The following LRPPRC variants were observed in gnomAD, a reference collection of about 807,000 sequenced individuals.
LRPPRC encodes the protein leucine rich pentatricopeptide repeat containing, also known as leucine-rich PPR motif-containing protein, mitochondrial.
In LRPPRC, 120 loss-of-function variants were observed where a neutral mutation model predicts 180.3. The observed-to-expected ratio is 0.67, with a 90% CI of 0.57 to 0.77. The LOEUF (loss-of-function observed/expected upper bound fraction) is 0.77, where lower values mean the gene tolerates loss of function less well. LRPPRC is among the 30% of genes least tolerant of loss of function. The probability of loss-of-function intolerance (pLI) is 0.00; values close to 1 mark genes in which losing one functional copy is unlikely to be tolerated. For missense variants in LRPPRC, 2,012 were observed against 1,657.2 expected (o/e 1.21, Z -3.72); for synonymous variants, 723 against 600.0 (o/e 1.21, Z -3.00).
chr2:43,992,836 C>T lies in LRPPRC; in HGVS notation c.149+2963G>A, dbSNP rs150712675. On this transcript the variant is annotated intron_variant, in intron 1 of 37. Transcript: ENST00000260665. ...GGGTCCAATTTGAGCTGTGTTGGCTCTGAAGTACCTATAGTTCAAGCAGGT... is the reference window on the plus strand; with the variant it reads ...GGGTCCAATTTGAGCTGTGTTGGCTTTGAAGTACCTATAGTTCAAGCAGGT... Among the ~76,000 whole-genome samples, 905 of 152,206 alleles carry T rather than the reference C, an allele frequency of 5.9e-3. 9 individuals carry two copies. Among genetic ancestry groups the T allele is most frequent in the African/African-American group, 0.021 (861 of 41,524 alleles).
chr2:43,943,648 T>A (rs751270505), intron 23 of LRPPRC, 39 bp downstream of exon 23: 3 of 1,519,254 alleles, frequency 2.0e-6, no homozygotes, highest in East Asian at 4.5e-5. Flanking sequence ...CTCATTCTTT[T>A]AATGCCAACA....
intron 27 of LRPPRC, among the ~76,000 whole-genome samples, chr2:43,923,413 G>A (rs1451800435): frequency 6.6e-6 from 1 of 152,126 alleles, no homozygotes; most frequent in African/African-American, 2.4e-5. Flanking sequence ...GATTTCTTGA[G>A]CCCAGGAGGT....
chr2:43,973,958 G>T, intron 9 of LRPPRC, 58 bp from the exon 10 acceptor site: 2 of 1,177,828 alleles, frequency 1.7e-6, no homozygotes, highest in African/African-American at 1.5e-5. Flanking sequence ...CGTTTGACCT[G>T]CTGCAAATAT....
chr2:43,912,730 A>G (rs1671309414), intron 29 of LRPPRC, among the ~76,000 whole-genome samples, 172 bp from the exon 30 acceptor site: 1 of 152,208 alleles, frequency 6.6e-6, no homozygotes. Flanking sequence ...AATATTTTAA[A>G]GACAAAGCTA....
chr2:43,996,082 G>C, upstream of LRPPRC: 4 of 816,780 alleles, frequency 4.9e-6, no homozygotes, highest in South Asian at 1.7e-5. Context: ...GATTGTTTTA[G>C]GTTGGAAGAT....
At chr2:43,909,782 C>T (rs1013017860) in intron 30 of LRPPRC, among the ~76,000 whole-genome samples, 3 of 151,954 alleles carry the variant, frequency 2.0e-5, no homozygotes, top group African/African-American at 7.3e-5. Context: ...TTTTACATGT[C>T]AATTTTATCT....
At chr2:43,948,597 C>A in intron 16 of LRPPRC, 79 bp from the exon 17 acceptor site, 1 of 804,540 alleles carries the variant, frequency 1.2e-6, no homozygotes, top group Non-Finnish European at 2.2e-6. Context: ...TATAAGAAAT[C>A]ATTTTGGTGT....
At position 43,899,534 on chromosome 2, in the gene LRPPRC, T is replaced by C. The variant is rs140482502; in HGVS notation, c.3641A>G (p.Gln1214Arg). The C allele has an allele frequency of 5.9e-5, 95 of 1,612,296 alleles. 1 individual carries two copies. Among genetic ancestry groups the C allele is most frequent in the Non-Finnish European group, 7.6e-6 (9 of 1,178,458 alleles). The part of the protein sequence containing the change: ...LTSENKVIEP[Q>R]YFGLAYLFRK... ...GAATAAGTATGCCAAGCCGAAGTAT[T>C]GGGGTTCAATGACTTTATTCTCTGA... The change falls in exon 33 of 38, where the codon CAA becomes CGA. Residue 1214 changes from glutamine to arginine, a missense_variant. Physicochemically the swap from Gln to Arg is conservative, Grantham distance 43 (BLOSUM62 1). Transcript: ENST00000260665.
intron 23 of LRPPRC, among the ~76,000 whole-genome samples, chr2:43,936,552 T>C (rs560279172): frequency 9.8e-5 from 15 of 152,342 alleles, no homozygotes; most frequent in East Asian, 5.8e-4. Context: ...TTGCCTATTA[T>C]ACAAATGTTA....
At chr2:43,948,606 G>T in intron 16 of LRPPRC, 88 bp from the exon 17 acceptor site, 1 of 765,040 alleles carries the variant, frequency 1.3e-6, no homozygotes, top group Non-Finnish European at 2.4e-6. Flanking sequence ...TCATTTTGGT[G>T]TGAGATGTCA....
In LRPPRC at chr2:43,979,878, A is replaced by G. The variant is rs376705540; in HGVS notation, c.417T>C (p.Leu139=). 1.2e-6 allele frequency: 2 copies of G among 1,613,064 alleles called. No individual in the cohort carries two copies. Among genetic ancestry groups the G allele is most frequent in the African/African-American group, 2.7e-5 (2 of 74,908 alleles). ...SCGSLLPELK[L]EERTEFAHRI... Reference sequence around the variant, plus strand: ...TATGAGCAAATTCTGTTCTCTCTTCAAGCTTTAGTTCAGGCAAGAGAGAAC... The same window carrying G: ...TATGAGCAAATTCTGTTCTCTCTTCGAGCTTTAGTTCAGGCAAGAGAGAAC... The change falls in exon 3 of 38, where the codon CTT becomes CTC. Residue 139 remains leucine (L), a synonymous_variant. Coordinates refer to ENST00000260665, the MANE Select transcript of LRPPRC (RefSeq NM_133259.4).
intron 27 of LRPPRC, 83 bp from the exon 28 acceptor site, chr2:43,918,481 G>C: frequency 9.5e-7 from 1 of 1,051,052 alleles, no homozygotes; most frequent in Non-Finnish European, 1.4e-6. Flanking sequence ...TTTCTTATTT[G>C]ATGTTGAAGA....
intron 12 of LRPPRC, 73 bp downstream of exon 12, chr2:43,963,515 T>A (rs973519126): frequency 3.2e-6 from 3 of 948,304 alleles, no homozygotes; most frequent in Admixed American, 1.7e-5. Flanking sequence ...GACTTTTTTG[T>A]GTGTCAACAC....
At chr2:43,964,067 G>C (rs74625534) in intron 11 of LRPPRC, among the ~76,000 whole-genome samples, 302 of 152,178 alleles carry the variant, frequency 2.0e-3, no homozygotes, top group African/African-American at 7.0e-3. Flanking sequence ...AATTTGACCA[G>C]AATAAATGCT....
intron 1 of LRPPRC, among the ~76,000 whole-genome samples, chr2:43,994,403 A>C (rs1213408261): frequency 1.3e-5 from 2 of 152,238 alleles, no homozygotes; most frequent in African/African-American, 4.8e-5. Context: ...TGACTCCTGT[A>C]GTAACCAACA....
At chr2:43,938,375 G>C (rs1033066505) in intron 23 of LRPPRC, among the ~76,000 whole-genome samples, 1 of 152,096 alleles carries the variant, frequency 6.6e-6, no homozygotes, top group Non-Finnish European at 1.5e-5. Context: ...TTGAGGAAAA[G>C]ATTCTGTAAT....
chr2:43,920,260 C>T (rs151088358), intron 27 of LRPPRC, among the ~76,000 whole-genome samples: 60 of 152,054 alleles, frequency 3.9e-4, no homozygotes, highest in African/African-American at 1.3e-3. Context: ...CTCAGACTCC[C>T]GAGTAGCTGA....
At position 43,952,125 on chromosome 2, in the gene LRPPRC, G is replaced by A. The variant is rs565272040; in HGVS notation, c.1650-1525C>T. On this transcript the variant is annotated intron_variant, in intron 14 of 37. Coordinates refer to ENST00000260665, the MANE Select transcript of LRPPRC (RefSeq NM_133259.4). Reference sequence around the variant, plus strand: ...GGAGAATCGCTTGAACCCGGGAGGCGGAGGTTGCGGTGAGCCAAGATCGCG... The same window carrying A: ...GGAGAATCGCTTGAACCCGGGAGGCAGAGGTTGCGGTGAGCCAAGATCGCG... Among the ~76,000 whole-genome samples, 25 of 152,170 alleles carry A rather than the reference G, an allele frequency of 1.6e-4. No homozygotes were observed. The East Asian group carries it at 3.9e-3, about 24-fold the overall frequency.
intron 30 of LRPPRC, among the ~76,000 whole-genome samples, chr2:43,910,687 G>A (rs1671225764): frequency 6.6e-6 from 1 of 152,148 alleles, no homozygotes; most frequent in Non-Finnish European, 1.5e-5. Flanking sequence ...CTTGGGCTAT[G>A]GAGTAAAATG....
Sources: allele counts gnomAD v4.1 joint callset (sites outside exome capture counted in the v4.1 genomes callset), GRCh38; gene constraint gnomAD v4.1.1; transcripts MANE v1.5; gene names NCBI Gene and HGNC (gene_info 2026-07-23, HGNC 2026-07-21).